Variants in CDC42SE2 observed in about 807,000 individuals in gnomAD.
The protein encoded by CDC42SE2 is CDC42 small effector protein 2.
In CDC42SE2, 3 loss-of-function variants were observed where a neutral mutation model predicts 11.5. The observed-to-expected ratio is 0.26, with a 90% confidence interval of 0.12 to 0.67. CDC42SE2 has a LOEUF of 0.67. Among genes scored for constraint, CDC42SE2 ranks in the 30% least tolerant of loss-of-function variants. The pLI, the probability that CDC42SE2 is intolerant of heterozygous loss-of-function variation, is 0.80. For missense variants in CDC42SE2, 82 were observed against 106.8 expected (o/e 0.77, Z 1.02); for synonymous variants, 33 against 34.8 (o/e 0.95, Z 0.18).
chr5:131,385,702 G>T lies in CDC42SE2; in HGVS notation c.156+58G>T, dbSNP rs1305407600. The T allele has an allele frequency of 1.1e-5, 11 of 1,024,244 alleles. No homozygotes were observed. The South Asian group carries it at 1.5e-4, about 14-fold the overall frequency. 63.4% of individuals were successfully genotyped at this position (1,024,244 alleles called of 1,614,324 possible). Reference sequence around the variant, plus strand: ...ATTGGGGCATAGTCATATGAAACCTGTGTGACAGGCACAAGCATTTTTAAT... The same window carrying T: ...ATTGGGGCATAGTCATATGAAACCTTTGTGACAGGCACAAGCATTTTTAAT... On this transcript the variant is annotated intron_variant, in intron 4 of 4. Transcript: ENST00000505065.
chr5:131,358,303 A>T (rs1337700790), intron 2 of CDC42SE2, among the ~76,000 whole-genome samples: 1 of 152,156 alleles, frequency 6.6e-6, no homozygotes, highest in Non-Finnish European at 1.5e-5. Flanking sequence ...GTTGCCTTAC[A>T]AAACCAAACG....
chr5:131,234,761 G>A, the CDC42SE2 span, among the ~76,000 whole-genome samples: 1 of 152,132 alleles, frequency 6.6e-6, no homozygotes, highest in African/African-American at 2.4e-5. Context: ...TAAAGAACCA[G>A]AAAAGCTGGT....
chr5:131,320,058 A>G (rs1248508334), intron 2 of CDC42SE2, among the ~76,000 whole-genome samples: 28 of 121,560 alleles, frequency 2.3e-4, no homozygotes, highest in African/African-American at 1.1e-3. Flanking sequence ...CTTAAAGAAA[A>G]AAAAAAAAAA....
the CDC42SE2 span, among the ~76,000 whole-genome samples, chr5:131,223,008 T>C: frequency 3.3e-5 from 5 of 152,328 alleles, no homozygotes; most frequent in South Asian, 8.3e-4. Flanking sequence ...AATTAAATCA[T>C]TGGCACCCCA....
intron 1 of CDC42SE2, among the ~76,000 whole-genome samples, chr5:131,285,448 A>G (rs1400650723): frequency 6.6e-6 from 1 of 152,208 alleles, no homozygotes; most frequent in Non-Finnish European, 1.5e-5. Flanking sequence ...ATAATTTCTG[A>G]CTATGGCTAA....
the CDC42SE2 span, among the ~76,000 whole-genome samples, chr5:131,221,294 T>G: frequency 6.7e-6 from 1 of 149,722 alleles, no homozygotes; most frequent in East Asian, 2.0e-4. Flanking sequence ...TATGAGATTT[T>G]TTTGCGATTT....
chr5:131,330,547 T>A (rs1244348614), intron 2 of CDC42SE2, among the ~76,000 whole-genome samples: 1 of 152,188 alleles, frequency 6.6e-6, no homozygotes, highest in Non-Finnish European at 1.5e-5. Context: ...TTTTTCCCCA[T>A]GACAGTGGTT....
chr5:131,377,609 T>A (rs78466719), intron 3 of CDC42SE2, among the ~76,000 whole-genome samples: 5,223 of 152,288 alleles, frequency 0.034, 303 homozygotes, highest in African/African-American at 0.12. Context: ...TCTGAAAATC[T>A]TCTGTGACTA....
chr5:131,288,499 G>T (rs1434415671), intron 1 of CDC42SE2, among the ~76,000 whole-genome samples: 1 of 151,886 alleles, frequency 6.6e-6, no homozygotes, highest in African/African-American at 2.4e-5. Context: ...CTGTAATTTC[G>T]ATTCCTTTTT....
upstream of CDC42SE2, among the ~76,000 whole-genome samples, chr5:131,263,000 T>A (rs1756764366): frequency 6.6e-6 from 1 of 151,858 alleles, no homozygotes; most frequent in Non-Finnish European, 1.5e-5. Context: ...CAGCCCAAGC[T>A]GGAGTGCAGT....
At chr5:131,370,532 A>G (rs183241400) in intron 3 of CDC42SE2, among the ~76,000 whole-genome samples, 30 of 149,178 alleles carry the variant, frequency 2.0e-4, no homozygotes, top group South Asian at 4.2e-4. Flanking sequence ...TTTGTTGCCC[A>G]GGCTGGTCTC....
At chr5:131,217,161 G>T in the CDC42SE2 span, among the ~76,000 whole-genome samples, 1 of 152,184 alleles carries the variant, frequency 6.6e-6, no homozygotes, top group African/African-American at 2.4e-5. Flanking sequence ...AATAAAGTTT[G>T]ATTGGAATAT....
At chr5:131,325,805 C>T (rs745806073) in intron 2 of CDC42SE2, among the ~76,000 whole-genome samples, 64 of 152,144 alleles carry the variant, frequency 4.2e-4, no homozygotes, top group Non-Finnish European at 6.9e-4. Context: ...CTCTTCTTTC[C>T]TCTTCCTAAT....
At chr5:131,334,682 GT>G (rs1044982875) in intron 2 of CDC42SE2, among the ~76,000 whole-genome samples, 1 of 152,102 alleles carries the variant, frequency 6.6e-6, no homozygotes, top group African/African-American at 2.4e-5. Context: ...CTTCTTCCTG[GT>G]TTAGTCTTGG....
At chr5:131,388,936 G>T (rs116967364) in intron 4 of CDC42SE2, among the ~76,000 whole-genome samples, 1 of 152,018 alleles carries the variant, frequency 6.6e-6, no homozygotes, top group African/African-American at 2.4e-5. Context: ...AGGCTCAATC[G>T]ATCATCCTGC....
At chr5:131,289,615 G>A (rs1326202309) in intron 1 of CDC42SE2, among the ~76,000 whole-genome samples, 1 of 151,876 alleles carries the variant, frequency 6.6e-6, no homozygotes, top group East Asian at 1.9e-4. Context: ...AGAGCTTGCA[G>A]TGAGCTGAGA....
At chr5:131,252,059 T>A (rs1225518529) in intron 1 of CDC42SE2, among the ~76,000 whole-genome samples, 14 of 118,000 alleles carry the variant, frequency 1.2e-4, no homozygotes, top group South Asian at 1.0e-3. Flanking sequence ...AGAGAATGAG[T>A]GGAAGGAAGG....
upstream of CDC42SE2, chr5:131,261,563 A>G (rs543693255): frequency 6.6e-6 from 1 of 152,348 alleles, no homozygotes; most frequent in African/African-American, 2.4e-5. Flanking sequence ...TACAAAAAGT[A>G]TCATCCAGAC....
chr5:131,320,150 C>T (rs1758155465), intron 2 of CDC42SE2, among the ~76,000 whole-genome samples: 1 of 150,196 alleles, frequency 6.7e-6, no homozygotes, highest in Non-Finnish European at 1.5e-5. Context: ...TTTGGGAGGC[C>T]AAGGCAGGTG....
Sources: gnomAD v4.1 joint callset for allele counts (sites outside exome capture counted in the v4.1 genomes callset) on GRCh38, gnomAD v4.1.1 for gene constraint, MANE v1.5 for transcripts, NCBI Gene and HGNC (gene_info 2026-07-23, HGNC 2026-07-21) for gene names.